NRF1: variants seen among roughly 807,000 people sequenced by gnomAD.
NRF1 encodes the protein nuclear respiratory factor 1.
NRF1 carries 5 observed loss-of-function variants against 58.5 expected under a neutral mutation model. That is an observed-to-expected ratio of 0.09 (90% CI 0.04 to 0.18). The LOEUF is 0.18. NRF1 is among the 10% of genes least tolerant of loss of function. The pLI is 1.00. For synonymous variants in NRF1, 224 were observed against 246.7 expected (o/e 0.91, Z 0.86); for missense variants, 288 against 657.7 (o/e 0.44, Z 6.15).
intron 1 of NRF1, among the ~76,000 whole-genome samples, chr7:129,654,972 T>C (rs958987810): frequency 6.6e-6 from 1 of 152,192 alleles, no homozygotes; most frequent in Non-Finnish European, 1.5e-5. Context: ...TTAGTGTCAG[T>C]TGGTTGGTAT....
At chr7:129,731,482 T>A (rs950475019) in intron 10 of NRF1, among the ~76,000 whole-genome samples, 1 of 152,064 alleles carries the variant, frequency 6.6e-6, no homozygotes, top group Non-Finnish European at 1.5e-5. Context: ...TTCAATAGAG[T>A]CTTTGGTCTC....
chr7:129,643,980 C>G (rs538278618), intron 1 of NRF1, among the ~76,000 whole-genome samples: 2 of 152,182 alleles, frequency 1.3e-5, no homozygotes, highest in African/African-American at 4.8e-5. Context: ...TTTCACAAGC[C>G]GTTGCTGCTG....
At chr7:129,663,701 C>T (rs549704362) in intron 2 of NRF1, among the ~76,000 whole-genome samples, 191 of 151,978 alleles carry the variant, frequency 1.3e-3, no homozygotes, top group African/African-American at 4.3e-3. Context: ...CAGGCAGAGA[C>T]GCTGCTCACT....
At chr7:129,736,924 T>G (rs1803728576) in intron 10 of NRF1, among the ~76,000 whole-genome samples, 1 of 152,196 alleles carries the variant, frequency 6.6e-6, no homozygotes, top group South Asian at 2.1e-4. Flanking sequence ...GGCAAGCAAA[T>G]TAACCTCTCT....
chr7:129,714,721 T>TA (rs1803148768), intron 8 of NRF1, among the ~76,000 whole-genome samples: 2 of 152,290 alleles, frequency 1.3e-5, no homozygotes, highest in African/African-American at 4.8e-5. Context: ...AACACGAAGG[T>TA]AACTCAAAGG....
At chr7:129,699,523 C>T (rs977903014) in intron 5 of NRF1, among the ~76,000 whole-genome samples, 8 of 151,512 alleles carry the variant, frequency 5.3e-5, no homozygotes, top group Non-Finnish European at 7.4e-5. Flanking sequence ...AGACCAGCCT[C>T]ATCAACATGG....
At chr7:129,647,626 C>T (rs1308650401) in intron 1 of NRF1, among the ~76,000 whole-genome samples, 2 of 152,130 alleles carry the variant, frequency 1.3e-5, no homozygotes, top group African/African-American at 2.4e-5. Flanking sequence ...AAACTTCTGA[C>T]CTCGCGATCC....
chr7:129,722,255 G>T (rs1326855562), intron 9 of NRF1, among the ~76,000 whole-genome samples: 1 of 152,126 alleles, frequency 6.6e-6, no homozygotes, highest in Non-Finnish European at 1.5e-5. Context: ...GCCGGGCGTG[G>T]TGGTGCATGC....
intron 10 of NRF1, among the ~76,000 whole-genome samples, chr7:129,745,043 A>G (rs1460952473): frequency 6.6e-6 from 1 of 152,170 alleles, no homozygotes; most frequent in East Asian, 1.9e-4. Context: ...AGAAAAATAA[A>G]TAAATCTCCC....
At chr7:129,730,833 C>T (rs558755343) in intron 10 of NRF1, among the ~76,000 whole-genome samples, 1 of 152,024 alleles carries the variant, frequency 6.6e-6, no homozygotes, top group East Asian at 1.9e-4. Context: ...AAAAATTAGC[C>T]AGGAGTGGTG....
At chr7:129,723,484 G>C (rs1002244982) in intron 9 of NRF1, among the ~76,000 whole-genome samples, 1 of 151,858 alleles carries the variant, frequency 6.6e-6, no homozygotes, top group African/African-American at 2.4e-5. Context: ...GTTGGTAGTA[G>C]TGTTTATTAA....
intron 5 of NRF1, among the ~76,000 whole-genome samples, chr7:129,691,465 G>T (rs769552655): frequency 2.0e-5 from 3 of 150,638 alleles, no homozygotes; most frequent in African/African-American, 4.9e-5. Flanking sequence ...GGGTTCAAGC[G>T]CTACTCGTGC....
chr7:129,664,903 G>A (rs1006828344), intron 2 of NRF1, among the ~76,000 whole-genome samples: 1 of 152,184 alleles, frequency 6.6e-6, no homozygotes, highest in Non-Finnish European at 1.5e-5. Flanking sequence ...CTTATTGGGG[G>A]GAGAAAAGAG....
intron 1 of NRF1, among the ~76,000 whole-genome samples, chr7:129,623,998 C>G (rs1800861707): frequency 6.6e-6 from 1 of 152,210 alleles, no homozygotes; most frequent in African/African-American, 2.4e-5. Flanking sequence ...CTAATTCTCA[C>G]TTGAGAATCC....
At chr7:129,750,413 G>A (rs1292745862) in intron 10 of NRF1, among the ~76,000 whole-genome samples, 1 of 152,210 alleles carries the variant, frequency 6.6e-6, no homozygotes, top group South Asian at 2.1e-4. Context: ...GGGACATGAA[G>A]GCTGTTAGGT....
intron 8 of NRF1, among the ~76,000 whole-genome samples, chr7:129,711,809 G>A (rs749520875): frequency 6.6e-6 from 1 of 152,034 alleles, no homozygotes; most frequent in East Asian, 1.9e-4. Flanking sequence ...ACATTTGAAT[G>A]TATAGCATTT....
At chr7:129,690,673 G>C in intron 5 of NRF1, 127 bp downstream of exon 5, 7 of 977,214 alleles carry the variant, frequency 7.2e-6, no homozygotes, top group Non-Finnish European at 1.1e-5. Context: ...CTGGAGTCTT[G>C]TAGTGAAACA....
intron 10 of NRF1, among the ~76,000 whole-genome samples, chr7:129,728,172 T>C (rs1299845588): frequency 1.3e-5 from 2 of 152,102 alleles, no homozygotes; most frequent in East Asian, 3.9e-4. Flanking sequence ...AATATATAAT[T>C]AAGCAGGACA....
At chr7:129,737,543 C>A (rs981988129) in intron 10 of NRF1, among the ~76,000 whole-genome samples, 1 of 152,114 alleles carries the variant, frequency 6.6e-6, no homozygotes, top group African/African-American at 2.4e-5. Context: ...CAATCCTCCA[C>A]ATGTTAGACT....
Sources: allele counts gnomAD v4.1 joint callset (sites outside exome capture counted in the v4.1 genomes callset), GRCh38; gene constraint gnomAD v4.1.1; transcripts MANE v1.5; gene names NCBI Gene and HGNC (gene_info 2026-07-23, HGNC 2026-07-21).